The following NOL10 variants were observed in gnomAD, a reference collection of about 807,000 sequenced individuals.
NOL10 encodes nucleolar protein 10.
In NOL10, 58 loss-of-function variants were observed where a neutral mutation model predicts 103.5. The ratio of observed to expected loss-of-function variants is 0.56; its 90% CI spans 0.45 to 0.70. The LOEUF is 0.70. Among genes scored for constraint, NOL10 ranks in the 30% least tolerant of loss-of-function variants. The pLI is 0.00. For synonymous variants in NOL10, 287 were observed against 282.5 expected, an observed-to-expected ratio of 1.02 and a Z score of -0.16; for missense variants, 763 against 807.3, an observed-to-expected ratio of 0.95 and a Z score of 0.67.
intron 9 of NOL10, among the ~76,000 whole-genome samples, chr2:10,661,421 G>C (rs946183994): frequency 6.6e-6 from 1 of 151,428 alleles, no homozygotes; most frequent in Non-Finnish European, 1.5e-5. Context: ...ACCCAGGCTG[G>C]AGTACAGTGG....
chr2:10,685,500 CCCCCCCCGCCAA>C (rs1184035919), intron 1 of NOL10, among the ~76,000 whole-genome samples: 18 of 33,848 alleles, frequency 5.3e-4, no homozygotes, highest in Admixed American at 8.1e-4. Context: ...CCCCCCCCCC[CCCCCCCCGCCAA>C]AAAAAAAGAA....
chr2:10,678,420 G>GT (rs1329831935), intron 3 of NOL10, among the ~76,000 whole-genome samples: 6 of 127,892 alleles, frequency 4.7e-5, no homozygotes, highest in East Asian at 2.1e-4. Context: ...GAAAAAAGTG[G>GT]TAAAAAAAAA....
intron 5 of NOL10, among the ~76,000 whole-genome samples, chr2:10,671,955 A>G (rs1409923778): frequency 2.0e-5 from 3 of 152,172 alleles, no homozygotes; most frequent in African/African-American, 7.2e-5. Flanking sequence ...CTTCATTTAC[A>G]TGGCACCAGC....
intron 17 of NOL10, among the ~76,000 whole-genome samples, chr2:10,594,843 C>T (rs1309902244): frequency 6.6e-6 from 1 of 151,850 alleles, no homozygotes; most frequent in African/African-American, 2.4e-5. Context: ...TATATACATA[C>T]ATATATATTA....
chr2:10,651,523 C>T (rs1332242684), intron 12 of NOL10, among the ~76,000 whole-genome samples: 1 of 152,078 alleles, frequency 6.6e-6, no homozygotes, highest in Non-Finnish European at 1.5e-5. Flanking sequence ...ATCTATTTTA[C>T]ATCCTTTTTT....
intron 13 of NOL10, among the ~76,000 whole-genome samples, chr2:10,614,824 A>G (rs1288488458): frequency 6.6e-6 from 1 of 152,232 alleles, no homozygotes; most frequent in Non-Finnish European, 1.5e-5. Flanking sequence ...ACTGACCACT[A>G]TTATGATTAA....
intron 13 of NOL10, chr2:10,622,169 A>G (rs1232904465): frequency 2.2e-5 from 7 of 319,158 alleles, no homozygotes; most frequent in African/African-American, 2.3e-4. Context: ...TGTAGATGGT[A>G]AACAGTTAAC....
intron 1 of NOL10, among the ~76,000 whole-genome samples, chr2:10,688,923 C>T (rs1682411309): frequency 1.3e-5 from 2 of 152,194 alleles, no homozygotes. Flanking sequence ...GAAGCAGACG[C>T]ATGGAAGGAG....
chr2:10,668,188 T>C (rs1023030815), intron 7 of NOL10, among the ~76,000 whole-genome samples: 1 of 152,160 alleles, frequency 6.6e-6, no homozygotes, highest in African/African-American at 2.4e-5. Context: ...TTTGTTGTGA[T>C]GATGATGATG....
intron 16 of NOL10, 68 bp downstream of exon 16, chr2:10,602,708 G>T: frequency 1.1e-6 from 1 of 947,480 alleles, no homozygotes; most frequent in Non-Finnish European, 1.6e-6. Context: ...AGATTTCTTT[G>T]GAATAATACA....
chr2:10,671,602 T>C lies in NOL10; in HGVS notation c.416A>G (p.Asp139Gly). 1 of 1,603,054 alleles carries C rather than the reference T, an allele frequency of 6.2e-7. No homozygotes were observed. The highest frequency in any genetic ancestry group is 8.5e-7 in the Non-Finnish European group (1 of 1,174,494). ...YKTRIPKFGR[D>G]FSYHYPSCDL... ...ACAGGATGGATAGTGGTAAGAGAAA[T>C]CTCTCCCAAACTTTGGTATTCTGGT... Residue 139 changes from aspartate to glycine, a missense_variant, in exon 6 of 21, where the codon GAT becomes GGT. By Grantham distance (94) the Asp-to-Gly change is moderately conservative. Coordinates refer to ENST00000381685, the MANE Select transcript of NOL10 (RefSeq NM_024894.4).
Position 10,689,950 on chromosome 2 carries a change from G to A in NOL10, c.-89C>T, listed in dbSNP as rs887268181. On this transcript the variant is annotated 5_prime_UTR_variant, in exon 1 of 21. Transcript: ENST00000381685. Reference sequence around the variant, plus strand: ...CCCGGGACCTCCGAGCCCCTGCTCCGCGGCGTGCGGCCGCTGGCGCCGACT... The same window carrying A: ...CCCGGGACCTCCGAGCCCCTGCTCCACGGCGTGCGGCCGCTGGCGCCGACT... The A allele has an allele frequency of 1.6e-6, 2 of 1,261,694 alleles. No individual in the cohort carries two copies. Among genetic ancestry groups the A allele is most frequent in the African/African-American group, 3.0e-5 (2 of 66,840 alleles). The allele number at this position is 1,261,694 out of a possible 1,614,324, so 78.2% of individuals were successfully genotyped here. A position where few individuals can be genotyped will look rare whatever the true frequency, so the allele number is the denominator to read the frequency against.
chr2:10,614,447 C>CT (rs1676732636), intron 13 of NOL10, among the ~76,000 whole-genome samples: 1 of 152,142 alleles, frequency 6.6e-6, no homozygotes, highest in Non-Finnish European at 1.5e-5. Context: ...AAACAAATAA[C>CT]TTTTTGCATT....
At chr2:10,587,128 T>C (rs192094505) in intron 19 of NOL10, among the ~76,000 whole-genome samples, 695 of 26,970 alleles carry the variant, frequency 0.026, 110 homozygotes, top group Non-Finnish European at 0.032. Context: ...TACATATATA[T>C]ACATATATAC....
Position 10,587,076 on chromosome 2 carries a change from T to C in NOL10, c.1844+1967A>G, listed in dbSNP as rs1386083625. On this transcript the variant is annotated intron_variant, in intron 19 of 20. Transcript: ENST00000381685. The stretch of plus-strand genomic sequence containing the variant: ...ATATACATATATATATACATATATA[T>C]ACATATATATACATATATATACACA... 6.7e-4 allele frequency among the ~76,000 whole-genome samples: 37 copies of C among 55,118 alleles called. 9 individuals are homozygous for C. The highest frequency in any genetic ancestry group is 1.8e-3 in the African/African-American group (27 of 15,338). 36.2% of individuals were successfully genotyped at this position (55,118 alleles called of 152,430 possible). A position where few individuals can be genotyped will look rare whatever the true frequency, so the allele number is the denominator to read the frequency against.
At chr2:10,640,688 AC>A (rs907145256) in intron 13 of NOL10, among the ~76,000 whole-genome samples, 58 of 152,262 alleles carry the variant, frequency 3.8e-4, no homozygotes, top group African/African-American at 1.3e-3. Context: ...AATTAAAGTC[AC>A]CATTACTTGG....
chr2:10,641,087 G>A (rs1678668805), intron 13 of NOL10, among the ~76,000 whole-genome samples: 1 of 151,248 alleles, frequency 6.6e-6, no homozygotes, highest in Non-Finnish European at 1.5e-5. Context: ...TCAGGAGGCC[G>A]AGGCAGGTGG....
At chr2:10,605,347 C>T (rs990828722) in intron 14 of NOL10, among the ~76,000 whole-genome samples, 2 of 152,232 alleles carry the variant, frequency 1.3e-5, no homozygotes, top group South Asian at 2.1e-4. Flanking sequence ...ACTAATGCTG[C>T]ACTAAAAATA....
intron 13 of NOL10, among the ~76,000 whole-genome samples, chr2:10,630,907 T>C (rs777585126): frequency 6.6e-6 from 1 of 152,246 alleles, no homozygotes; most frequent in Non-Finnish European, 1.5e-5. Context: ...GTTTACATTC[T>C]GTCTGGAACA....
Sources: allele counts gnomAD v4.1 joint callset (sites outside exome capture counted in the v4.1 genomes callset), GRCh38; gene constraint gnomAD v4.1.1; transcripts MANE v1.5; gene names NCBI Gene and HGNC (gene_info 2026-07-23, HGNC 2026-07-21).